ST8SIA1: variants seen among roughly 807,000 people sequenced by gnomAD.
ST8SIA1 encodes ST8 alpha-N-acetyl-neuraminide alpha-2,8-sialyltransferase 1.
ST8SIA1 carries 16 observed loss-of-function variants against 35.9 expected under a neutral mutation model. The observed-to-expected ratio is 0.45, with a 90% CI of 0.30 to 0.68. ST8SIA1 has a LOEUF of 0.68. Ranked by LOEUF, ST8SIA1 falls within the 30% of genes least tolerant of loss-of-function variation. The pLI, the probability that ST8SIA1 is intolerant of heterozygous loss-of-function variation, is 0.09. For missense variants in ST8SIA1, 383 were observed against 453.6 expected (o/e 0.84, Z 1.41); for synonymous variants, 170 against 169.6 (o/e 1.00, Z -0.02).
At chr12:22,313,412 G>A (rs1430824089) in intron 1 of ST8SIA1, among the ~76,000 whole-genome samples, 1 of 152,106 alleles carries the variant, frequency 6.6e-6, no homozygotes, top group African/African-American at 2.4e-5. Context: ...AAGGAAATAG[G>A]AAAGGAACAG....
intron 4 of ST8SIA1, among the ~76,000 whole-genome samples, chr12:22,239,074 G>A (rs1865509093): frequency 6.6e-6 from 1 of 152,170 alleles, no homozygotes; most frequent in Non-Finnish European, 1.5e-5. Context: ...ACTGTTAGAG[G>A]AAGTTCGTTT....
At chr12:22,332,798 T>G (rs530086507) in intron 1 of ST8SIA1, among the ~76,000 whole-genome samples, 1 of 152,210 alleles carries the variant, frequency 6.6e-6, no homozygotes, top group Non-Finnish European at 1.5e-5. Flanking sequence ...AATGTATAGA[T>G]GCTCCTGAAT....
intron 2 of ST8SIA1, among the ~76,000 whole-genome samples, chr12:22,274,774 T>C (rs1865949763): frequency 6.6e-6 from 1 of 152,188 alleles, no homozygotes; most frequent in Non-Finnish European, 1.5e-5. Flanking sequence ...CTTGATGCCA[T>C]GTGGGTGCAA....
At position 22,234,132 on chromosome 12, in the gene ST8SIA1, T is replaced by C. The variant is rs371626742; in HGVS notation, c.584+14874A>G. ...AAAGTTAGCTGGGCGTGGTGGTGGG[T>C]GCCTGTAATTCCAGCTACTCGGGAG... On this transcript the variant is annotated intron_variant, in intron 4 of 4. Coordinates refer to ENST00000396037, the MANE Select transcript of ST8SIA1 (RefSeq NM_003034.4). Among the ~76,000 whole-genome samples the C allele has an allele frequency of 1.2e-4, 18 of 151,746 alleles. No homozygotes were observed. The East Asian group carries it at 3.3e-3, about 28-fold the overall frequency.
chr12:22,295,256 A>G (rs1343483270), intron 1 of ST8SIA1, among the ~76,000 whole-genome samples: 1 of 152,206 alleles, frequency 6.6e-6, no homozygotes, highest in Middle Eastern at 3.2e-3. Flanking sequence ...AGCCATGTGA[A>G]TATCTGAAAG....
At chr12:22,223,366 T>C (rs1865321160) in intron 4 of ST8SIA1, 2 of 198,534 alleles carry the variant, frequency 1.0e-5, no homozygotes, top group African/African-American at 2.4e-5. Flanking sequence ...TAGAGTGTGG[T>C]GCATGTATGG....
chr12:22,326,081 T>C (rs1866675590), intron 1 of ST8SIA1: 2 of 483,408 alleles, frequency 4.1e-6, no homozygotes, highest in Non-Finnish European at 7.2e-6. Flanking sequence ...AAATTAACCA[T>C]AGACAACTGA....
At chr12:22,230,294 A>G (rs1865404279) in intron 4 of ST8SIA1, among the ~76,000 whole-genome samples, 1 of 152,186 alleles carries the variant, frequency 6.6e-6, no homozygotes, top group African/African-American at 2.4e-5. Flanking sequence ...AAACCATGAA[A>G]AAGGCAACCT....
At chr12:22,331,643 G>A (rs564641734) in intron 1 of ST8SIA1, among the ~76,000 whole-genome samples, 36 of 152,268 alleles carry the variant, frequency 2.4e-4, no homozygotes, top group African/African-American at 8.4e-4. Context: ...AAACACTACT[G>A]CCATATACTG....
rs200587711 is a variant in ST8SIA1, at chr12:22,220,795, GCTT to G, written c.585-18760_585-18758del. On this transcript the variant is annotated intron_variant, in intron 4 of 4. Transcript: ENST00000396037. ...CTCCAATGTGGTGAAGTTGATCTGA[GCTT>G]GTCCTTGGGACCTGGCACTGGTGGT... 7.9e-3 allele frequency among the ~76,000 whole-genome samples: 1,207 copies of G among 152,284 alleles called. 7 individuals are homozygous for G. Among genetic ancestry groups the G allele is most frequent in the Non-Finnish European group, 0.012 (801 of 68,032 alleles).
At chr12:22,277,970 C>T (rs937910793) in intron 2 of ST8SIA1, among the ~76,000 whole-genome samples, 30 of 152,172 alleles carry the variant, frequency 2.0e-4, no homozygotes, top group African/African-American at 6.3e-4. Flanking sequence ...CCAATAGGTG[C>T]AGAACCGGAT....
At chr12:22,283,313 G>T (rs544773919) in intron 2 of ST8SIA1, among the ~76,000 whole-genome samples, 56 of 152,256 alleles carry the variant, frequency 3.7e-4, no homozygotes, top group African/African-American at 1.3e-3. Context: ...GCACAGTTGT[G>T]GTTTCTAACA....
At chr12:22,235,067 C>CAAA (rs1565573700) in intron 4 of ST8SIA1, among the ~76,000 whole-genome samples, 1 of 151,954 alleles carries the variant, frequency 6.6e-6, no homozygotes, top group Non-Finnish European at 1.5e-5. Flanking sequence ...TGTGTGTGTG[C>CAAA]GCAGGGTGTG....
At chr12:22,226,278 G>A (rs546627735) in intron 4 of ST8SIA1, among the ~76,000 whole-genome samples, 1 of 152,194 alleles carries the variant, frequency 6.6e-6, no homozygotes, top group Admixed American at 6.5e-5. Context: ...TTAGTGATAG[G>A]GAAAAGTTTG....
At chr12:22,305,111 A>G (rs1463505025) in intron 1 of ST8SIA1, among the ~76,000 whole-genome samples, 1 of 152,204 alleles carries the variant, frequency 6.6e-6, no homozygotes, top group Non-Finnish European at 1.5e-5. Flanking sequence ...GAATCTATAA[A>G]TGTACTTCTA....
rs73251950 is a variant in ST8SIA1, at chr12:22,294,087, A to G, written c.237-6794T>C. Among the ~76,000 whole-genome samples the G allele has an allele frequency of 5.8e-4, 88 of 152,162 alleles. 3 individuals carry two copies. The highest frequency in any genetic ancestry group is 2.1e-3 in the African/African-American group (88 of 41,534). On this transcript the variant is annotated intron_variant, in intron 1 of 4. Transcript: ENST00000396037. Reference sequence around the variant, plus strand: ...GGCTGATGGCCCAGACATATTTTCTATATGATCTAGAACAAGAAGTGGCAG... The same window carrying G: ...GGCTGATGGCCCAGACATATTTTCTGTATGATCTAGAACAAGAAGTGGCAG...
intron 4 of ST8SIA1, chr12:22,223,920 C>T (rs1455879600): frequency 2.7e-6 from 2 of 738,124 alleles, no homozygotes; most frequent in African/African-American, 1.9e-5. Flanking sequence ...ATCCTTTATA[C>T]ATTGCTAGAT....
intron 1 of ST8SIA1, among the ~76,000 whole-genome samples, chr12:22,313,529 C>T (rs115239029): frequency 0.011 from 1,640 of 152,178 alleles, 35 homozygotes; most frequent in African/African-American, 0.038. Context: ...TAGCCTGTGC[C>T]AAAGGGCCTG....
chr12:22,266,768 G>T (rs1024076994), intron 2 of ST8SIA1, among the ~76,000 whole-genome samples: 2 of 151,900 alleles, frequency 1.3e-5, no homozygotes, highest in Non-Finnish European at 2.9e-5. Flanking sequence ...CTGCATTGCA[G>T]CCTGGGTGAC....
Sources: gnomAD v4.1 joint callset for allele counts (sites outside exome capture counted in the v4.1 genomes callset) on GRCh38, gnomAD v4.1.1 for gene constraint, MANE v1.5 for transcripts, NCBI Gene and HGNC (gene_info 2026-07-23, HGNC 2026-07-21) for gene names.